RBM12B: variants seen among roughly 807,000 people sequenced by gnomAD.
RBM12B encodes RNA-binding protein 12B.
A neutral mutation model predicts 34.3 loss-of-function variants in RBM12B; 10 were observed. The ratio of observed to expected loss-of-function variants is 0.29; its 90% confidence interval spans 0.18 to 0.49. The LOEUF (loss-of-function observed/expected upper bound fraction) is 0.49. Among genes scored for constraint, RBM12B ranks in the 20% least tolerant of loss-of-function variants. The pLI, the probability that RBM12B is intolerant of heterozygous loss-of-function variation, is 0.99. For synonymous variants in RBM12B, 477 were observed against 437.1 expected, an observed-to-expected ratio of 1.09 and a Z score of -1.14; for missense variants, 1,139 against 1,262.7, an observed-to-expected ratio of 0.90 and a Z score of 1.48.
Position 93,736,164 on chromosome 8 carries a change from T to C in RBM12B, c.247A>G (p.Ile83Val), listed in dbSNP as rs183988146. ...ACACGATCAGTTCTTTTCATTTCTA[T>C]AGTCTTCTGCATTTCTGCCTTGCTA... is the stretch of plus-strand genomic sequence containing the variant. ...LSSKAEMQKT[I>V]EMKRTDRVGR... The change falls in exon 4 of 4, where the codon ATA (isoleucine) becomes GTA (valine). Residue 83 changes from isoleucine (I) to valine (V), a missense_variant. Transcript: ENST00000520560. 3.3e-5 allele frequency: 53 copies of C among 1,614,248 alleles called. No homozygotes were observed. In the East Asian group the frequency reaches 7.6e-4, roughly 23 times the overall value.
Position 93,736,436 on chromosome 8 carries a change from G to C in RBM12B, c.-26C>G. 1 of 1,520,980 alleles carries C rather than the reference G, an allele frequency of 6.6e-7. No homozygotes were observed. Among genetic ancestry groups the C allele is most frequent in the African/African-American group, 1.4e-5 (1 of 71,942 alleles). The allele number at this position is 1,520,980 out of a possible 1,614,324, so 94.2% of individuals were successfully genotyped here. Reference sequence around the variant, plus strand: ...GCTGAGCTCAAACCACAGCAATAATGACCTGCAGACAAAAAGGTACACATA... The same window carrying C: ...GCTGAGCTCAAACCACAGCAATAATCACCTGCAGACAAAAAGGTACACATA... On this transcript the variant is annotated splice_region_variant and 5_prime_UTR_variant, in exon 4 of 4. Coordinates refer to ENST00000520560, the MANE Select transcript of RBM12B (RefSeq NM_001377960.1).
Position 93,734,045 on chromosome 8 carries a change from C to T in RBM12B, c.2366G>A (p.Arg789Gln), listed in dbSNP as rs769912684. Residue 789 changes from arginine to glutamine, a missense_variant, in exon 4 of 4, where the codon CGG (arginine) becomes CAG (glutamine). Around this residue, in one of 3 missense-constraint regions of RBM12B, gnomAD observed 863 missense variants for 869.5 expected, o/e 0.99. Coordinates refer to ENST00000520560, the MANE Select transcript of RBM12B (RefSeq NM_001377960.1). ...FRRPPQEHFRRPPQEHFRRSR... is the reference protein window; with the variant it reads ...FRRPPQEHFRQPPQEHFRRSR... ...GCGCCTGAAATGCTCCTGAGGCGGC[C>T]GCCTGAAATGCTCCTGGGGCGGTCT... 5.6e-6 allele frequency: 9 copies of T among 1,593,834 alleles called. No homozygotes were observed. Among genetic ancestry groups the T allele is most frequent in the Middle Eastern group, 1.7e-4 (1 of 5,728 alleles).
Position 93,733,225 on chromosome 8 carries a change from G to T in RBM12B, c.*180C>A. 4 of 405,790 alleles carry T rather than the reference G, an allele frequency of 9.9e-6. No homozygotes were observed. The highest frequency in any genetic ancestry group is 6.7e-4 in the Middle Eastern group (1 of 1,484). The allele number at this position is 405,790 out of a possible 1,614,324, so 25.1% of individuals were successfully genotyped here. A position where few individuals can be genotyped will look rare whatever the true frequency, so the allele number is the denominator to read the frequency against. Reference sequence around the variant, plus strand: ...TTTAAATTTGAAAAAAAAAAAGAATGGCAATTTGCAAGCAAAAGAAAACCA... The same window carrying T: ...TTTAAATTTGAAAAAAAAAAAGAATTGCAATTTGCAAGCAAAAGAAAACCA... On this transcript the variant is annotated 3_prime_UTR_variant, in exon 4 of 4. Coordinates refer to ENST00000520560, the MANE Select transcript of RBM12B (RefSeq NM_001377960.1).
intron 2 of RBM12B, chr8:93,740,150 G>T (rs1812150949): frequency 2.7e-6 from 1 of 369,046 alleles, no homozygotes; most frequent in East Asian, 7.3e-5. Flanking sequence ...TATTCTTTAC[G>T]ATGATCCACC....
At position 93,728,207 on chromosome 8, in the gene RBM12B, A is replaced by G; in HGVS notation, c.*5198T>C. 6.4e-6 allele frequency: 10 copies of G among 1,565,670 alleles called. No homozygotes were observed. Among genetic ancestry groups the G allele is most frequent in the Non-Finnish European group, 8.6e-6 (10 of 1,161,236 alleles). On this transcript the variant is annotated 3_prime_UTR_variant, in exon 4 of 4. Transcript: ENST00000520560. ...AAAAGTGTGTTAACTTTTAACAGGT[A>G]TCCACTTGTCGACTAAGAAAGGATC...
rs1472919522 is a variant in RBM12B at position 93,733,763 on chromosome 8, C to T, written c.2648G>A (p.Arg883His). 12 of 1,614,124 alleles carry T rather than the reference C, an allele frequency of 7.4e-6. No homozygotes were observed. The highest frequency in any genetic ancestry group is 2.2e-5 in the East Asian group (1 of 44,882). The change falls in exon 4 of 4, where the codon CGC becomes CAC. Residue 883 changes from arginine to histidine, a missense_variant. Physicochemically the swap from Arg to His is conservative, Grantham distance 29 (BLOSUM62 0). Coordinates refer to ENST00000520560, the MANE Select transcript of RBM12B (RefSeq NM_001377960.1). ...RSPPDDFRSH[R>H]PFVNFGRPEG... is the part of the protein sequence containing the mutation. ...TGGGCGACCAAAATTCACAAAAGGG[C>T]GGTGACTTCTAAAATCATCAGGCGG...
rs907583672 is a variant in RBM12B, at chr8:93,735,045, T to C, written c.1366A>G (p.Lys456Glu). The C allele has an allele frequency of 6.2e-7, 1 of 1,614,194 alleles. No individual in the cohort carries two copies. The change falls in exon 4 of 4, where the codon AAA (lysine) becomes GAA (glutamate). Residue 456 changes from lysine to glutamate, a missense_variant. Coordinates refer to ENST00000520560, the MANE Select transcript of RBM12B (RefSeq NM_001377960.1). ...VKFKSEEQAM[K>E]AERLNRRRFL... is the part of the protein sequence containing the mutation. ...CTTCGTCGGTTTAAACGTTCAGCTT[T>C]CATGGCCTGTTCTTCTGATTTAAAT...
In RBM12B at chr8:93,733,143, A is replaced by C. The variant is rs1811849103; in HGVS notation, c.*262T>G. On this transcript the variant is annotated 3_prime_UTR_variant, in exon 4 of 4. Coordinates refer to ENST00000520560, the MANE Select transcript of RBM12B (RefSeq NM_001377960.1). ...TTACCGATGACATCAACAAAAATGA[A>C]TGAACTCAGGGAATGAGTTCTTTCT... 7.9e-6 allele frequency: 2 copies of C among 253,358 alleles called. No homozygotes were observed. Among genetic ancestry groups the C allele is most frequent in the East Asian group, 1.5e-4 (2 of 13,392 alleles). 15.7% of individuals were successfully genotyped at this position (253,358 alleles called of 1,614,324 possible). A position where few individuals can be genotyped will look rare whatever the true frequency, so the allele number is the denominator to read the frequency against.
In RBM12B at chr8:93,735,794, T is replaced by C. The variant is rs1257364212; in HGVS notation, c.617A>G (p.Asp206Gly). The C allele has an allele frequency of 6.2e-7, 1 of 1,614,104 alleles. No individual in the cohort carries two copies. The highest frequency in any genetic ancestry group is 2.2e-5 in the East Asian group (1 of 44,882). The change falls in exon 4 of 4, where the codon GAT (aspartate) becomes GGT (glycine). Residue 206 changes from aspartate to glycine, a missense_variant. By Grantham distance (94) the Asp-to-Gly change is moderately conservative. Transcript: ENST00000520560. ...DAIVKFASCV[D>G]ASGGLKCHRS... ...ATGACATTTAAGACCTCCTGAAGCA[T>C]CAACACATGAAGCAAATTTTACTAT...
rs758479257 is a variant in RBM12B at position 93,734,854 on chromosome 8, G to A, written c.1557C>T (p.Tyr519=). 1.9e-6 allele frequency: 3 copies of A among 1,614,140 alleles called. No individual in the cohort carries two copies. Among genetic ancestry groups the A allele is most frequent in the Admixed American group, 1.7e-5 (1 of 60,028 alleles). ...HLFDSKDPPI[Y]SVGAFENFRH... ...TAAAGTTTTCAAAAGCACCAACTGA[G>A]TATATTGGTGGGTCTTTTGAGTCAA... Residue 519 remains tyrosine, a synonymous_variant, in exon 4 of 4, where the codon TAC becomes TAT. Transcript: ENST00000520560.
chr8:93,735,151 A>G lies in RBM12B; in HGVS notation c.1260T>C (p.Phe420=). The G allele has an allele frequency of 6.2e-7, 1 of 1,614,150 alleles. No homozygotes were observed. Among genetic ancestry groups the G allele is most frequent in the African/African-American group, 1.3e-5 (1 of 75,058 alleles). The change falls in exon 4 of 4, where the codon TTT becomes TTC. Residue 420 remains phenylalanine (F), a synonymous_variant. Coordinates refer to ENST00000520560, the MANE Select transcript of RBM12B (RefSeq NM_001377960.1). ...CATCCTCAGCAAGAAGAAAGTCTGCAAAGAACTTCTGCACTTCAACTTTTG... is the reference window on the plus strand; with the variant it reads ...CATCCTCAGCAAGAAGAAAGTCTGCGAAGAACTTCTGCACTTCAACTTTTG... ...DVTKVEVQKF[F]ADFLLAEDDI...
rs760243882 is a variant in RBM12B, at chr8:93,735,559, A to C, written c.852T>G (p.Phe284Leu). Residue 284 changes from phenylalanine to leucine, a missense_variant, in exon 4 of 4, where the codon TTT (phenylalanine) becomes TTG (leucine). By Grantham distance (22) the Phe-to-Leu change is conservative (BLOSUM62 0). Transcript: ENST00000520560. ...GGGACAGATTTTTTAAGTGAACATA[A>C]AATCCAAGAGGGGAACGAGAACGTG... ...RRTRSRSPLG[F>L]YVHLKNLSLS... 6.2e-7 allele frequency: 1 copy of C among 1,614,200 alleles called. No individual in the cohort carries two copies. The highest frequency in any genetic ancestry group is 8.5e-7 in the Non-Finnish European group (1 of 1,180,028).
At chr8:93,738,467 T>G (rs1241689535) in intron 2 of RBM12B, among the ~76,000 whole-genome samples, 1 of 152,200 alleles carries the variant, frequency 6.6e-6, no homozygotes. Context: ...CTCACTTTCT[T>G]TGGTGGGGGA....
rs747545527 is a variant in RBM12B at position 93,734,358 on chromosome 8, G to A, written c.2053C>T (p.Arg685Trp). 48 of 1,611,980 alleles carry A rather than the reference G, an allele frequency of 3.0e-5. No homozygotes were observed. Among genetic ancestry groups the A allele is most frequent in the Middle Eastern group, 1.7e-4 (1 of 6,046 alleles). ...WRRPPEEDFR[R>W]PLQGEWRRPP... is the part of the protein sequence containing the mutation. ...CGCCTCCATTCTCCCTGAAGAGGCC[G>A]CCTAAAGTCCTCCTCTGGGGGCCGT... is the stretch of plus-strand genomic sequence containing the variant. The change falls in exon 4 of 4, where the codon CGG (arginine) becomes TGG (tryptophan). Residue 685 changes from arginine (R) to tryptophan (W), a missense_variant. Transcript: ENST00000520560.
Position 93,730,966 on chromosome 8 carries a change from G to C in RBM12B, c.*2439C>G, listed in dbSNP as rs1041016462. The C allele has an allele frequency of 3.3e-5, 5 of 152,314 alleles. No homozygotes were observed. Among genetic ancestry groups the C allele is most frequent in the African/African-American group, 1.2e-4 (5 of 41,550 alleles). 9.4% of individuals were successfully genotyped at this position (152,314 alleles called of 1,614,324 possible). A position where few individuals can be genotyped will look rare whatever the true frequency, so the allele number is the denominator to read the frequency against. ...GCTTGAGGCCAGAAATTTGAGAACA[G>C]CCTGGGCAACACAGTGAGACTCTGT... On this transcript the variant is annotated 3_prime_UTR_variant, in exon 4 of 4. Coordinates refer to ENST00000520560, the MANE Select transcript of RBM12B (RefSeq NM_001377960.1).
In RBM12B at chr8:93,732,884, C is replaced by G. The variant is rs1811840914; in HGVS notation, c.*521G>C. 2.0e-5 allele frequency: 3 copies of G among 152,168 alleles called. No homozygotes were observed. Among genetic ancestry groups the G allele is most frequent in the Admixed American group, 2.0e-4 (3 of 15,276 alleles). 9.4% of individuals were successfully genotyped at this position (152,168 alleles called of 1,614,324 possible). A position where few individuals can be genotyped will look rare whatever the true frequency, so the allele number is the denominator to read the frequency against. ...CATAAGTAAATTTCAAGTTGACAGT[C>G]TGTCCATTTTGAACTATTTATAATT... On this transcript the variant is annotated 3_prime_UTR_variant, in exon 4 of 4. Transcript: ENST00000520560.
rs776286173 is a variant in RBM12B, at chr8:93,734,215, ACGGAAATGCTCCTGAGGTGGCCTC to A, written c.2172_2195del (p.Gln728_Pro735del). ...TCCGGAAATGCTCTGGGGGTGGCCGACGGAAATGCTCCTGAGGTGGCCTCCGGAAATGCTCCTGGGGTGACTGCC... is the reference window on the plus strand; with the variant it reads ...TCCGGAAATGCTCTGGGGGTGGCCGACGGAAATGCTCCTGGGGTGACTGCC... On this transcript the variant is annotated inframe_deletion, in exon 4 of 4. Transcript: ENST00000520560. 4.1e-4 allele frequency: 644 copies of A among 1,589,396 alleles called. No homozygotes were observed. Among genetic ancestry groups the A allele is most frequent in the Non-Finnish European group, 5.2e-4 (610 of 1,168,646 alleles).
rs201942898 is a variant in RBM12B, at chr8:93,735,373, A to G, written c.1038T>C (p.Thr346=). 3.8e-5 allele frequency: 62 copies of G among 1,613,738 alleles called. No homozygotes were observed. The highest frequency in any genetic ancestry group is 4.7e-5 in the Non-Finnish European group (55 of 1,179,882). The part of the protein sequence containing the change: ...DYNTALSLHK[T]VLQYRPVHID... ...TATGAACTGGACGATATTGTAAAAC[A>G]GTCTTATGTAAACTCAGAGCGGTAT... is the stretch of plus-strand genomic sequence containing the variant. The change falls in exon 4 of 4, where the codon ACT becomes ACC. Residue 346 remains threonine (T), a synonymous_variant. Coordinates refer to ENST00000520560, the MANE Select transcript of RBM12B (RefSeq NM_001377960.1).
Position 93,731,045 on chromosome 8 carries a change from C to G in RBM12B, c.*2360G>C, listed in dbSNP as rs1811771565. 6.6e-6 allele frequency: 1 copy of G among 152,196 alleles called. No homozygotes were observed. The highest frequency in any genetic ancestry group is 1.5e-5 in the Non-Finnish European group (1 of 68,094). The allele number at this position is 152,196 out of a possible 1,614,324, so 9.4% of individuals were successfully genotyped here. On this transcript the variant is annotated 3_prime_UTR_variant, in exon 4 of 4. Coordinates refer to ENST00000520560, the MANE Select transcript of RBM12B (RefSeq NM_001377960.1). ...ACAAGGTGGCACACACCTGTAGTCCCAGCTCTCAGGAGGCTGAGGCAGGAA... is the reference window on the plus strand; with the variant it reads ...ACAAGGTGGCACACACCTGTAGTCCGAGCTCTCAGGAGGCTGAGGCAGGAA...
Sources: gnomAD v4.1 joint callset for allele counts (sites outside exome capture counted in the v4.1 genomes callset) on GRCh38, gnomAD v4.1.1 for gene constraint, gnomAD v4.1.1 regional missense constraint, MANE v1.5 for transcripts, NCBI Gene and HGNC (gene_info 2026-07-23, HGNC 2026-07-21) for gene names.